Variants in RYR3 observed in about 807,000 individuals in gnomAD.
RYR3 encodes the protein brain ryanodine receptor-calcium release channel.
A neutral mutation model predicts 584.3 loss-of-function variants in RYR3; 207 were observed. The observed-to-expected ratio is 0.35, with a 90% CI of 0.32 to 0.40. The LOEUF (loss-of-function observed/expected upper bound fraction) is 0.40. Among genes scored for constraint, RYR3 ranks in the 10% least tolerant of loss-of-function variants. The pLI, the probability that RYR3 is intolerant of heterozygous loss-of-function variation, is 1.00. For synonymous variants in RYR3, 2,416 were observed against 2,248.5 expected, an observed-to-expected ratio of 1.07 and a Z score of -2.11; for missense variants, 5,616 against 6,089.2, an observed-to-expected ratio of 0.92 and a Z score of 2.59.
intron 1 of RYR3, among the ~76,000 whole-genome samples, chr15:33,462,228 AT>A (rs1480802923): frequency 6.6e-6 from 1 of 152,136 alleles, no homozygotes; most frequent in Non-Finnish European, 1.5e-5. Flanking sequence ...TGGTTATTAG[AT>A]TTTGTATGGA....
intron 45 of RYR3, among the ~76,000 whole-genome samples, chr15:33,725,164 C>CAA (rs1207516582): frequency 2.2e-4 from 19 of 86,260 alleles, no homozygotes; most frequent in Admixed American, 1.7e-3. Flanking sequence ...TACACACACA[C>CAA]ACACACACAC....
chr15:33,530,781 A>G, intron 4 of RYR3, 115 bp downstream of exon 4: 7 of 751,352 alleles, frequency 9.3e-6, no homozygotes, highest in East Asian at 5.3e-5. Context: ...GAACATAACT[A>G]ATTTTAGCAC....
intron 1 of RYR3, among the ~76,000 whole-genome samples, chr15:33,348,564 C>T (rs950029891): frequency 2.6e-5 from 4 of 152,154 alleles, no homozygotes; most frequent in African/African-American, 7.2e-5. Flanking sequence ...CAACCTTTGC[C>T]TCCCGGGTTC....
At chr15:33,805,894 T>G (rs913897072) in intron 69 of RYR3, among the ~76,000 whole-genome samples, 1 of 151,988 alleles carries the variant, frequency 6.6e-6, no homozygotes. Flanking sequence ...ACTCATCCTC[T>G]TCTTCTCCTC....
At chr15:33,653,386 T>C (rs553967806) in intron 32 of RYR3, among the ~76,000 whole-genome samples, 1 of 152,280 alleles carries the variant, frequency 6.6e-6, no homozygotes, top group Non-Finnish European at 1.5e-5. Context: ...AAAATACATT[T>C]ATAGGCCAGG....
Position 33,503,723 on chromosome 15 carries a change from A to T in RYR3, c.264A>T (p.Glu88Asp), listed in dbSNP as rs756571013. 3.1e-6 allele frequency: 5 copies of T among 1,610,896 alleles called. No homozygotes were observed. The South Asian group carries it at 5.5e-5, about 18-fold the overall frequency. The change falls in exon 3 of 104, where the codon GAA becomes GAT. Residue 88 changes from glutamate to aspartate, a missense_variant. Glu to Asp is a conservative substitution (Grantham distance 45, BLOSUM62 2). Transcript: ENST00000634891. The part of the protein sequence containing the change: ...ALQEMLANTG[E>D]NGGEGAAQGG... ...AGGAAATGCTTGCCAACACAGGTGA[A>T]AATGGCGGCGAAGGGGTGAGTACCC...
chr15:33,819,693 A>AATAT (rs2077006282), intron 76 of RYR3, 63 bp from the exon 77 acceptor site: 1 of 674,948 alleles, frequency 1.5e-6, no homozygotes, highest in African/African-American at 2.2e-5. Context: ...TAAATAAATA[A>AATAT]ATAAATAAAT....
chr15:33,456,213 C>T (rs1460745059), intron 1 of RYR3, among the ~76,000 whole-genome samples: 1 of 152,156 alleles, frequency 6.6e-6, no homozygotes, highest in Non-Finnish European at 1.5e-5. Context: ...TATATCAATC[C>T]TTCCCATAGT....
At chr15:33,765,802 GCA>G (rs1261946562) in intron 60 of RYR3, among the ~76,000 whole-genome samples, 5 of 152,112 alleles carry the variant, frequency 3.3e-5, no homozygotes, top group Non-Finnish European at 7.4e-5. Context: ...TTAGCATTGA[GCA>G]CAGTTTTTTA....
intron 3 of RYR3, among the ~76,000 whole-genome samples, chr15:33,523,437 C>T (rs1406946987): frequency 6.6e-6 from 1 of 152,176 alleles, no homozygotes; most frequent in Non-Finnish European, 1.5e-5. Context: ...CCGGAAGGAG[C>T]AAACTCTGGA....
At chr15:33,776,189 C>T (rs1285759552) in intron 64 of RYR3, among the ~76,000 whole-genome samples, 1 of 152,180 alleles carries the variant, frequency 6.6e-6, no homozygotes, top group Non-Finnish European at 1.5e-5. Flanking sequence ...TGATTCAAGA[C>T]ACCTTGGTGA....
Position 33,769,185 on chromosome 15 carries a change from A to G in RYR3, c.8816+13A>G. ...CACTTGACACAAGGTAAGTCTGCCC[A>G]GTTTTTCCCAATAGTTTCTCATGAC... On this transcript the variant is annotated intron_variant, in intron 62 of 103. Transcript: ENST00000634891. 6.2e-7 allele frequency: 1 copy of G among 1,600,858 alleles called. No individual in the cohort carries two copies. The highest frequency in any genetic ancestry group is 8.6e-7 in the Non-Finnish European group (1 of 1,168,238).
chr15:33,750,032 G>T lies in RYR3; in HGVS notation c.8253G>T (p.Lys2751Asn). The T allele has an allele frequency of 6.2e-7, 1 of 1,612,420 alleles. No homozygotes were observed. The highest frequency in any genetic ancestry group is 8.5e-7 in the Non-Finnish European group (1 of 1,179,346). ...ATCACAATATCTGGGCCAAGAAGAA[G>T]AAGCTGGAGCTGGAGAGCAAAGGTG... ...ENYHNIWAKK[K>N]KLELESKGGG... The change falls in exon 56 of 104, where the codon AAG (lysine) becomes AAT (asparagine). Residue 2751 changes from lysine (K) to asparagine (N), a missense_variant. Physicochemically the swap from Lys to Asn is moderately conservative, Grantham distance 94. Transcript: ENST00000634891.
intron 1 of RYR3, among the ~76,000 whole-genome samples, chr15:33,459,571 G>T (rs2047846341): frequency 2.0e-5 from 3 of 152,108 alleles, no homozygotes; most frequent in Admixed American, 1.3e-4. Context: ...ATTCTCTCCA[G>T]AAGACATAGG....
intron 3 of RYR3, among the ~76,000 whole-genome samples, chr15:33,512,174 C>T (rs533126901): frequency 1.3e-5 from 2 of 152,306 alleles, no homozygotes; most frequent in African/African-American, 4.8e-5. Flanking sequence ...AAGTGTGTAG[C>T]TTTGCCTTCA....
In RYR3 at chr15:33,376,924, T is replaced by G. The variant is rs531577931; in HGVS notation, c.51+65828T>G. On this transcript the variant is annotated intron_variant, in intron 1 of 103. Transcript: ENST00000634891. ...CTTGGTGCCTTTATTGAAAATCAAT[T>G]GACCACATATGTGTGGGCCTGTTTT... Among the ~76,000 whole-genome samples the G allele has an allele frequency of 2.0e-5, 3 of 152,370 alleles. No homozygotes were observed. The East Asian group carries it at 5.8e-4, about 29-fold the overall frequency.
chr15:33,319,534 C>G (rs1968664830), intron 1 of RYR3, among the ~76,000 whole-genome samples: 1 of 152,222 alleles, frequency 6.6e-6, no homozygotes, highest in Non-Finnish European at 1.5e-5. Context: ...CAGATCTCAT[C>G]TCTTTGCAAG....
chr15:33,696,459 G>A lies in RYR3; in HGVS notation c.6102G>A (p.Lys2034=), dbSNP rs1368326685. The stretch of plus-strand genomic sequence containing the variant: ...CCCTCCTCAGTGTCAGGATGGGCAA[G>A]GAAGAGGAGTTGCTCATGATCAATG... ...IRSLLSVRMG[K]EEELLMINGL... is the part of the protein sequence containing the mutation. The change falls in exon 39 of 104, where the codon AAG becomes AAA. Residue 2034 remains lysine, a synonymous_variant. Transcript: ENST00000634891. The A allele has an allele frequency of 4.3e-6, 7 of 1,613,990 alleles. No homozygotes were observed. The highest frequency in any genetic ancestry group is 5.1e-6 in the Non-Finnish European group (6 of 1,179,888).
chr15:33,536,865 T>C (rs1483535238), intron 5 of RYR3, among the ~76,000 whole-genome samples: 3 of 152,228 alleles, frequency 2.0e-5, no homozygotes, highest in Non-Finnish European at 2.9e-5. Context: ...TTACCACTTG[T>C]TTATAATATA....
Sources: allele counts gnomAD v4.1 joint callset (sites outside exome capture counted in the v4.1 genomes callset), GRCh38; gene constraint gnomAD v4.1.1; transcripts MANE v1.5; gene names NCBI Gene and HGNC (gene_info 2026-07-23, HGNC 2026-07-21).